The following CPQ variants were observed in gnomAD, a reference collection of about 807,000 sequenced individuals.
The protein encoded by CPQ is Ser-Met dipeptidase.
Under a neutral mutation model 45.7 loss-of-function variants are expected in CPQ, and 37 were observed. That is an observed-to-expected ratio of 0.81 (90% confidence interval 0.62 to 1.07). The LOEUF is 1.07. Among genes scored for constraint, CPQ ranks in the 50% least tolerant of loss-of-function variants. The pLI is 0.00. For synonymous variants in CPQ, 186 were observed against 205.8 expected (o/e 0.90, Z 0.82); for missense variants, 537 against 572.9 (o/e 0.94, Z 0.64).
At chr8:96,990,037 T>TGCTGTGTCCTCCTC (rs1223716591) in intron 5 of CPQ, among the ~76,000 whole-genome samples, 3 of 152,054 alleles carry the variant, frequency 2.0e-5, no homozygotes, top group African/African-American at 7.2e-5. Context: ...TGGGCCTCCT[T>TGCTGTGTCCTCCTC]GCTGTGTCCT....
chr8:96,680,380 C>T (rs887985883), intron 1 of CPQ: 8 of 152,132 alleles, frequency 5.3e-5, no homozygotes, highest in African/African-American at 1.9e-4. Flanking sequence ...GGGGGCTTGT[C>T]TTTCTCATGC....
At chr8:96,940,281 T>C (rs956819441) in intron 4 of CPQ, among the ~76,000 whole-genome samples, 1 of 152,108 alleles carries the variant, frequency 6.6e-6, no homozygotes, top group African/African-American at 2.4e-5. Context: ...CAAATCATGG[T>C]TCATAAAACT....
chr8:96,743,108 C>T lies in CPQ; in HGVS notation c.-34-41756C>T, dbSNP rs1399230043. On this transcript the variant is annotated intron_variant, in intron 1 of 7. Coordinates refer to ENST00000220763, the MANE Select transcript of CPQ (RefSeq NM_016134.4). ...TTCCATTCTCCCGGTCACTTTCAGG[C>T]ACACCAATCAGACGTAGATTTGGTC... 9.9e-5 allele frequency among the ~76,000 whole-genome samples: 15 copies of T among 152,280 alleles called. 1 individual carries two copies. The highest frequency in any genetic ancestry group is 1.8e-4 in the Non-Finnish European group (12 of 68,022).
intron 1 of CPQ, among the ~76,000 whole-genome samples, chr8:96,695,556 A>G (rs1176969674): frequency 6.6e-6 from 1 of 152,250 alleles, no homozygotes; most frequent in Non-Finnish European, 1.5e-5. Flanking sequence ...CAAAGGGCTA[A>G]CATCCAGAAT....
chr8:96,890,914 G>C (rs1812364267), intron 4 of CPQ, among the ~76,000 whole-genome samples: 1 of 152,190 alleles, frequency 6.6e-6, no homozygotes, highest in Non-Finnish European at 1.5e-5. Flanking sequence ...GGCTATGGGA[G>C]AAACAGTACC....
At chr8:96,763,787 A>C (rs1810434625) in intron 1 of CPQ, among the ~76,000 whole-genome samples, 2 of 152,192 alleles carry the variant, frequency 1.3e-5, no homozygotes, top group South Asian at 4.1e-4. Flanking sequence ...ATGAAAATAT[A>C]CTCAACATTA....
intron 6 of CPQ, among the ~76,000 whole-genome samples, chr8:97,048,539 CT>C (rs1332257012): frequency 1.3e-5 from 2 of 152,114 alleles, no homozygotes; most frequent in Non-Finnish European, 2.9e-5. Context: ...TATTTGTAAC[CT>C]TTAACATGTT....
At chr8:96,824,173 T>C (rs1811348673) in intron 2 of CPQ, among the ~76,000 whole-genome samples, 1 of 152,168 alleles carries the variant, frequency 6.6e-6, no homozygotes, top group Non-Finnish European at 1.5e-5. Context: ...TTGCTCTCTC[T>C]CCATCTCTTT....
chr8:96,744,334 C>A (rs909534121), intron 1 of CPQ, among the ~76,000 whole-genome samples: 6 of 152,248 alleles, frequency 3.9e-5, no homozygotes, highest in African/African-American at 1.2e-4. Context: ...CCTGCTTCTG[C>A]TCTCGCACAG....
At chr8:96,950,000 G>A (rs937983016) in intron 4 of CPQ, among the ~76,000 whole-genome samples, 1 of 152,160 alleles carries the variant, frequency 6.6e-6, no homozygotes, top group Admixed American at 6.5e-5. Context: ...TTTTATAATG[G>A]TGTGAATTTG....
intron 5 of CPQ, among the ~76,000 whole-genome samples, chr8:96,967,772 G>C (rs969406843): frequency 1.3e-5 from 2 of 152,162 alleles, no homozygotes; most frequent in African/African-American, 2.4e-5. Flanking sequence ...TAAAAACATA[G>C]GATTCTGGAG....
intron 2 of CPQ, among the ~76,000 whole-genome samples, chr8:96,825,382 G>A (rs1012749880): frequency 5.9e-5 from 9 of 151,950 alleles, no homozygotes; most frequent in Non-Finnish European, 1.2e-4. Context: ...TAACACCATG[G>A]GTTTGGAGTC....
At position 97,122,811 on chromosome 8, in the gene CPQ, G is replaced by A. The variant is rs549594721; in HGVS notation, c.1256-20209G>A. Among the ~76,000 whole-genome samples, 21 of 149,606 alleles carry A rather than the reference G, an allele frequency of 1.4e-4. No homozygotes were observed. In the South Asian group the frequency reaches 4.4e-3, roughly 31 times the overall value. ...GAGGCAGGAGAATCGCTTGAACCCA[G>A]GAGGCAGAGGTTTCAGTGAGCCAAT... On this transcript the variant is annotated intron_variant, in intron 7 of 7. Transcript: ENST00000220763.
intron 3 of CPQ, among the ~76,000 whole-genome samples, chr8:96,867,094 CAT>C (rs1442285164): frequency 1.3e-5 from 2 of 152,068 alleles, no homozygotes; most frequent in African/African-American, 4.8e-5. Context: ...TTCTCCAAGA[CAT>C]GTGAGAAGAA....
intron 1 of CPQ, among the ~76,000 whole-genome samples, chr8:96,655,304 T>C (rs945701979): frequency 3.3e-5 from 5 of 152,182 alleles, no homozygotes; most frequent in African/African-American, 9.6e-5. Context: ...TAATTTCAAA[T>C]ATTCTGTATT....
At chr8:96,867,284 A>G (rs1471138326) in intron 3 of CPQ, among the ~76,000 whole-genome samples, 1 of 152,106 alleles carries the variant, frequency 6.6e-6, no homozygotes. Flanking sequence ...AGGAACACCC[A>G]CTAATTCTTC....
At chr8:96,927,331 A>G (rs774378440) in intron 4 of CPQ, among the ~76,000 whole-genome samples, 11 of 152,190 alleles carry the variant, frequency 7.2e-5, no homozygotes, top group Non-Finnish European at 1.5e-4. Flanking sequence ...CCCATCGTGC[A>G]TGCATCCAGA....
intron 4 of CPQ, among the ~76,000 whole-genome samples, chr8:96,913,075 A>G (rs1812689716): frequency 1.3e-5 from 2 of 152,208 alleles, no homozygotes; most frequent in Non-Finnish European, 2.9e-5. Flanking sequence ...TTCTTCTCTT[A>G]GAAAGGAGGG....
intron 4 of CPQ, among the ~76,000 whole-genome samples, chr8:96,965,392 G>A (rs1326015449): frequency 1.6e-5 from 1 of 61,784 alleles, no homozygotes. Flanking sequence ...TTTTTTTTTT[G>A]AGATGGAGTC....
Sources: allele counts gnomAD v4.1 joint callset (sites outside exome capture counted in the v4.1 genomes callset), GRCh38; gene constraint gnomAD v4.1.1; transcripts MANE v1.5; gene names NCBI Gene and HGNC (gene_info 2026-07-23, HGNC 2026-07-21).